The following GPR39 variants were observed in gnomAD, a reference collection of about 807,000 sequenced individuals.
GPR39 encodes the protein zinc sensing receptor.
GPR39 carries 23 observed loss-of-function variants against 18.4 expected under a neutral mutation model. That is an observed-to-expected ratio of 1.25 (90% CI 0.90 to 1.77). GPR39 has a LOEUF of 1.77. Among genes scored for constraint, GPR39 ranks in the 40% most tolerant of loss-of-function variants. GPR39 has a pLI of 0.00. For missense variants in GPR39, 647 were observed against 602.4 expected, an observed-to-expected ratio of 1.07 and a Z score of -0.78; for synonymous variants, 280 against 257.9, an observed-to-expected ratio of 1.09 and a Z score of -0.82.
chr2:132,633,757 G>C lies in GPR39; in HGVS notation c.857-11344G>C, dbSNP rs188453648. Among the ~76,000 whole-genome samples the C allele has an allele frequency of 4.6e-5, 7 of 152,148 alleles. No individual in the cohort carries two copies. In the East Asian group the frequency reaches 1.4e-3, roughly 29 times the overall value. ...GTGGAGATAGAGGTGAATGCTTGGTGATTGTGACAGAGACAGAGGTGGAAG... is the reference window on the plus strand; with the variant it reads ...GTGGAGATAGAGGTGAATGCTTGGTCATTGTGACAGAGACAGAGGTGGAAG... On this transcript the variant is annotated intron_variant, in intron 1 of 1. Coordinates refer to ENST00000329321, the MANE Select transcript of GPR39 (RefSeq NM_001508.3).
At chr2:132,584,847 C>A (rs1028969718) in intron 1 of GPR39, among the ~76,000 whole-genome samples, 3 of 152,212 alleles carry the variant, frequency 2.0e-5, no homozygotes, top group Non-Finnish European at 2.9e-5. Flanking sequence ...TGTCTGCATT[C>A]ATTTGGATAA....
At chr2:132,561,089 T>C (rs573928957) in intron 1 of GPR39, among the ~76,000 whole-genome samples, 1 of 129,826 alleles carries the variant, frequency 7.7e-6, no homozygotes, top group South Asian at 2.1e-4. Context: ...AAATTTTGTA[T>C]TTTTTTTTTC....
At chr2:132,510,290 G>A (rs1387145500) in intron 1 of GPR39, among the ~76,000 whole-genome samples, 1 of 152,164 alleles carries the variant, frequency 6.6e-6, no homozygotes. Context: ...TTGTTTGCAG[G>A]CAGGCAGCAA....
In GPR39 at chr2:132,551,062, G is replaced by A. The variant is rs566276422; in HGVS notation, c.857-94039G>A. ...AAGGAGCAGAAACCTGACCACAGCT[G>A]TTTGAAAGAATATAAGTTCATTTTT... On this transcript the variant is annotated intron_variant, in intron 1 of 1. Transcript: ENST00000329321. Among the ~76,000 whole-genome samples the A allele has an allele frequency of 1.2e-4, 18 of 152,278 alleles. No individual in the cohort carries two copies. The South Asian group carries it at 3.7e-3, about 32-fold the overall frequency.
At chr2:132,480,827 T>A (rs1681219940) in intron 1 of GPR39, among the ~76,000 whole-genome samples, 1 of 152,220 alleles carries the variant, frequency 6.6e-6, no homozygotes, top group African/African-American at 2.4e-5. Flanking sequence ...TCTTTTTTGT[T>A]TGTTTTGCGT....
At chr2:132,443,943 C>T (rs1680482937) in intron 1 of GPR39, among the ~76,000 whole-genome samples, 1 of 152,040 alleles carries the variant, frequency 6.6e-6, no homozygotes, top group Non-Finnish European at 1.5e-5. Context: ...TTGGTGGTGG[C>T]ATGCACCTGT....
At chr2:132,451,146 GCT>G (rs1491173975) in intron 1 of GPR39, among the ~76,000 whole-genome samples, 1 of 61,908 alleles carries the variant, frequency 1.6e-5, no homozygotes, top group East Asian at 2.9e-4. Flanking sequence ...TATCTTTGAG[GCT>G]GTGTGTGTGT....
intron 1 of GPR39, among the ~76,000 whole-genome samples, chr2:132,549,103 T>TA (rs1386277664): frequency 6.6e-6 from 1 of 152,206 alleles, no homozygotes; most frequent in African/African-American, 2.4e-5. Flanking sequence ...CATACCTTCA[T>TA]ATCCTAGGCT....
At chr2:132,570,816 G>A (rs1680429534) in intron 1 of GPR39, among the ~76,000 whole-genome samples, 1 of 152,134 alleles carries the variant, frequency 6.6e-6, no homozygotes, top group African/African-American at 2.4e-5. Context: ...AGGAATGGGT[G>A]TGGCTCTGCA....
intron 1 of GPR39, among the ~76,000 whole-genome samples, chr2:132,523,459 T>C (rs538303006): frequency 6.6e-6 from 1 of 152,234 alleles, no homozygotes; most frequent in Admixed American, 6.5e-5. Context: ...GGTCCAGTTT[T>C]TGGGAAAAAG....
chr2:132,538,902 G>A (rs1444640976), intron 1 of GPR39, among the ~76,000 whole-genome samples: 5 of 152,166 alleles, frequency 3.3e-5, no homozygotes, highest in African/African-American at 7.2e-5. Flanking sequence ...AATGGAGGTC[G>A]CCTCTCCCCC....
At chr2:132,431,126 CTAGGTCACTCACT>C (rs1370199734) in intron 1 of GPR39, among the ~76,000 whole-genome samples, 1 of 152,168 alleles carries the variant, frequency 6.6e-6, no homozygotes, top group East Asian at 1.9e-4. Flanking sequence ...ACTCACTCAC[CTAGGTCACTCACT>C]GACCAAGTAT....
chr2:132,567,102 G>T (rs1183517480), intron 1 of GPR39, among the ~76,000 whole-genome samples: 1 of 152,186 alleles, frequency 6.6e-6, no homozygotes, highest in Non-Finnish European at 1.5e-5. Context: ...GGAGGCCGAG[G>T]CAGGTGGATC....
At chr2:132,489,080 C>T (rs1032602814) in intron 1 of GPR39, 5 of 209,784 alleles carry the variant, frequency 2.4e-5, no homozygotes, top group Non-Finnish European at 5.1e-5. Flanking sequence ...TGCCAGGGTC[C>T]TCCTCTCCTT....
Position 132,515,686 on chromosome 2 carries a change from TA to T in GPR39, c.856+97792del, listed in dbSNP as rs1427396961. ...ACCCTTTCTTCCTTAAAGCAACTAA[TA>T]AAACCTAAGAATGTCACTCTCTGAC... is the stretch of plus-strand genomic sequence containing the variant. On this transcript the variant is annotated intron_variant, in intron 1 of 1. Transcript: ENST00000329321. Among the ~76,000 whole-genome samples the T allele has an allele frequency of 2.0e-5, 3 of 152,134 alleles. No homozygotes were observed. The East Asian group carries it at 5.8e-4, about 29-fold the overall frequency.
At chr2:132,569,911 C>T (rs1219402564) in intron 1 of GPR39, among the ~76,000 whole-genome samples, 1 of 152,358 alleles carries the variant, frequency 6.6e-6, no homozygotes, top group East Asian at 1.9e-4. Context: ...CTTTCACCTT[C>T]TGTCATGATT....
intron 1 of GPR39, among the ~76,000 whole-genome samples, chr2:132,490,490 G>A (rs1023378649): frequency 1.3e-5 from 2 of 151,912 alleles, no homozygotes; most frequent in Non-Finnish European, 2.9e-5. Context: ...TCTACACAAC[G>A]GAGGGTTTGA....
chr2:132,614,351 T>A (rs1475989646), intron 1 of GPR39, among the ~76,000 whole-genome samples: 1 of 145,324 alleles, frequency 6.9e-6, no homozygotes, highest in East Asian at 2.1e-4. Context: ...GGACTACAGG[T>A]GCATGCCACC....
At chr2:132,501,054 G>GTTTTTTTTTTTTTTTTTTTTTTGTTTTT (rs55720929) in intron 1 of GPR39, among the ~76,000 whole-genome samples, 1 of 90,326 alleles carries the variant, frequency 1.1e-5, no homozygotes, top group African/African-American at 4.1e-5. Flanking sequence ...TATCTTTTGT[G>GTTTTTTTTTTTTTTTTTTTTTTGTTTTT]TTTTTTTTTT....
Sources: allele counts gnomAD v4.1 joint callset (sites outside exome capture counted in the v4.1 genomes callset), GRCh38; gene constraint gnomAD v4.1.1; transcripts MANE v1.5; gene names NCBI Gene and HGNC (gene_info 2026-07-23, HGNC 2026-07-21).